Variants in C1QTNF3 observed in about 807,000 individuals in gnomAD.
C1QTNF3 encodes C1q and TNF related 3.
C1QTNF3 carries 26 observed loss-of-function variants against 32.6 expected under a neutral mutation model. That is an observed-to-expected ratio of 0.80 (90% confidence interval 0.58 to 1.11). C1QTNF3 has a LOEUF of 1.11. Ranked by LOEUF, C1QTNF3 falls within the 50% of genes least tolerant of loss-of-function variation. The pLI is 0.00. For synonymous variants in C1QTNF3, 155 were observed against 146.0 expected, an observed-to-expected ratio of 1.06 and a Z score of -0.44; for missense variants, 362 against 398.2, an observed-to-expected ratio of 0.91 and a Z score of 0.77.
the C1QTNF3 span, among the ~76,000 whole-genome samples, chr5:34,058,850 C>A: frequency 6.6e-6 from 1 of 152,186 alleles, no homozygotes; most frequent in Non-Finnish European, 1.5e-5. Flanking sequence ...AGAGGACACC[C>A]TTTACAGCAT....
chr5:34,217,897 T>C, the C1QTNF3 span, among the ~76,000 whole-genome samples: 1 of 152,074 alleles, frequency 6.6e-6, no homozygotes, highest in Admixed American at 6.6e-5. Context: ...CAAAAAGTGA[T>C]AAACTCCTCT....
chr5:34,021,241 G>A (rs1321845594), intron 5 of C1QTNF3, among the ~76,000 whole-genome samples: 1 of 152,332 alleles, frequency 6.6e-6, no homozygotes, highest in African/African-American at 2.4e-5. Flanking sequence ...GTCAGGCAAG[G>A]AGCAATGGGG....
At chr5:34,135,665 TAAGCAAAAACA>T in the C1QTNF3 span, among the ~76,000 whole-genome samples, 1 of 149,854 alleles carries the variant, frequency 6.7e-6, no homozygotes, top group African/African-American at 2.5e-5. Flanking sequence ...AAGACAATCC[TAAGCAAAAACA>T]AAACAAAACA....
chr5:34,225,179 A>C, the C1QTNF3 span, among the ~76,000 whole-genome samples: 1 of 151,918 alleles, frequency 6.6e-6, no homozygotes, highest in Non-Finnish European at 1.5e-5. Context: ...TTAGTGCCCC[A>C]ATTTTGTGGA....
rs1754667974 is a variant in C1QTNF3, at chr5:34,033,515, A to G, written c.416-57T>C. The G allele has an allele frequency of 1.4e-5, 22 of 1,602,826 alleles. No individual in the cohort carries two copies. In the South Asian group the frequency reaches 2.2e-4, roughly 16 times the overall value. On this transcript the variant is annotated intron_variant, in intron 2 of 5. Transcript: ENST00000382065. ...ACCCAGTCACTCATACTTACCATCC[A>G]TTTCTAGACATACTATCCAAACTCA...
chr5:34,147,898 G>A, the C1QTNF3 span, among the ~76,000 whole-genome samples: 41 of 152,202 alleles, frequency 2.7e-4, no homozygotes, highest in Non-Finnish European at 5.3e-4. Flanking sequence ...AGCTCCCAGC[G>A]TGAGCGACGC....
At chr5:34,169,296 C>T in the C1QTNF3 span, 1 of 151,968 alleles carries the variant, frequency 6.6e-6, no homozygotes. Context: ...ATAGGTTAGT[C>T]TGTGAAGTAG....
At chr5:34,033,229 G>A (rs1016687181) in intron 3 of C1QTNF3, 75 bp downstream of exon 3, 9 of 1,522,564 alleles carry the variant, frequency 5.9e-6, no homozygotes, top group South Asian at 4.8e-5. Flanking sequence ...GGAAGCGCTC[G>A]AACATCCTGA....
upstream of C1QTNF3, chr5:34,043,679 A>G: frequency 6.5e-6 from 1 of 152,966 alleles, no homozygotes; most frequent in South Asian, 2.1e-4. Context: ...CACTTAAGGT[A>G]ACTCATTTCC....
At chr5:34,162,059 A>G in the C1QTNF3 span, among the ~76,000 whole-genome samples, 1 of 152,120 alleles carries the variant, frequency 6.6e-6, no homozygotes, top group African/African-American at 2.4e-5. Flanking sequence ...CTGGATAGTG[A>G]AAGGTAGTCT....
chr5:34,090,675 G>A, the C1QTNF3 span, among the ~76,000 whole-genome samples: 3 of 152,288 alleles, frequency 2.0e-5, no homozygotes, highest in East Asian at 3.9e-4. Context: ...TCTTTGGTAG[G>A]TAGTTAGGTT....
the C1QTNF3 span, among the ~76,000 whole-genome samples, chr5:34,145,102 C>G: frequency 2.6e-5 from 4 of 152,052 alleles, no homozygotes; most frequent in Admixed American, 2.6e-4. Flanking sequence ...GCACTCCAGC[C>G]TGGGTGACAG....
chr5:34,217,534 G>T, the C1QTNF3 span, among the ~76,000 whole-genome samples: 2 of 152,182 alleles, frequency 1.3e-5, no homozygotes, highest in South Asian at 4.1e-4. Context: ...GCAGCAGAGT[G>T]TAGAAAAATA....
the C1QTNF3 span, among the ~76,000 whole-genome samples, chr5:34,114,570 T>A: frequency 6.6e-6 from 1 of 152,164 alleles, no homozygotes; most frequent in Non-Finnish European, 1.5e-5. Flanking sequence ...TTATTTTATA[T>A]CCACAGAGAT....
chr5:34,063,781 G>A, the C1QTNF3 span, among the ~76,000 whole-genome samples: 9 of 152,144 alleles, frequency 5.9e-5, no homozygotes, highest in Non-Finnish European at 1.0e-4. Flanking sequence ...ACTTGCTAGA[G>A]GAAATGAAAA....
chr5:34,243,066 A>G, the C1QTNF3 span, among the ~76,000 whole-genome samples: 6 of 151,558 alleles, frequency 4.0e-5, no homozygotes, highest in African/African-American at 9.7e-5. Flanking sequence ...GGTGCAGCAA[A>G]CCACCACCAC....
At chr5:34,056,442 G>A in the C1QTNF3 span, among the ~76,000 whole-genome samples, 1 of 52,082 alleles carries the variant, frequency 1.9e-5, no homozygotes, top group African/African-American at 7.7e-5. Context: ...GTGTGTGTGT[G>A]TGTGTGTGTG....
At chr5:34,132,318 G>A in the C1QTNF3 span, among the ~76,000 whole-genome samples, 2 of 151,934 alleles carry the variant, frequency 1.3e-5, no homozygotes, top group African/African-American at 2.4e-5. Flanking sequence ...CCAGGAGGCG[G>A]AGGTTACGGT....
chr5:34,206,916 T>C, the C1QTNF3 span, among the ~76,000 whole-genome samples: 1 of 152,202 alleles, frequency 6.6e-6, no homozygotes, highest in African/African-American at 2.4e-5. Context: ...TTTGTGTTTT[T>C]CTCATCTAAG....
Sources: allele counts gnomAD v4.1 joint callset (sites outside exome capture counted in the v4.1 genomes callset), GRCh38; gene constraint gnomAD v4.1.1; transcripts MANE v1.5; gene names NCBI Gene and HGNC (gene_info 2026-07-23, HGNC 2026-07-21).